GRIP1: variants seen among roughly 807,000 people sequenced by gnomAD.
The protein encoded by GRIP1 is glutamate receptor-interacting protein 1.
GRIP1 carries 45 observed loss-of-function variants against 129.9 expected under a neutral mutation model. That is an observed-to-expected ratio of 0.35 (90% CI 0.27 to 0.44). The LOEUF is 0.44. GRIP1 is among the 20% of genes least tolerant of loss of function. The pLI is 1.00. For synonymous variants in GRIP1, 530 were observed against 520.8 expected (o/e 1.02, Z -0.24); for missense variants, 1,196 against 1,396.8 (o/e 0.86, Z 2.29).
At chr12:66,603,667 C>T (rs1343701085) in intron 1 of GRIP1, among the ~76,000 whole-genome samples, 1 of 152,228 alleles carries the variant, frequency 6.6e-6, no homozygotes, top group East Asian at 1.9e-4. Context: ...TGGCAGAATG[C>T]CAGTCATATC....
chr12:66,875,492 C>T (rs1041360896), intron 1 of GRIP1, among the ~76,000 whole-genome samples: 25 of 152,040 alleles, frequency 1.6e-4, no homozygotes, highest in Non-Finnish European at 1.5e-5. Flanking sequence ...TCCATCATTC[C>T]ACAGGCTGCT....
At chr12:66,431,396 C>T (rs996529013) in intron 14 of GRIP1, among the ~76,000 whole-genome samples, 1 of 152,074 alleles carries the variant, frequency 6.6e-6, no homozygotes, top group African/African-American at 2.4e-5. Context: ...TGGCTTCTTG[C>T]TCTTAATATT....
chr12:66,463,700 A>C (rs2059201840), intron 8 of GRIP1, among the ~76,000 whole-genome samples: 1 of 152,196 alleles, frequency 6.6e-6, no homozygotes, highest in African/African-American at 2.4e-5. Flanking sequence ...CAAGTGAGTA[A>C]TAAAACCAGG....
intron 2 of GRIP1, among the ~76,000 whole-genome samples, chr12:66,556,391 T>C (rs984573465): frequency 6.6e-6 from 1 of 152,106 alleles, no homozygotes; most frequent in Non-Finnish European, 1.5e-5. Context: ...GCTGAGGGAT[T>C]CCATGAGCAC....
At chr12:66,497,491 A>G (rs1014718094) in intron 7 of GRIP1, among the ~76,000 whole-genome samples, 1 of 152,164 alleles carries the variant, frequency 6.6e-6, no homozygotes, top group Admixed American at 6.5e-5. Flanking sequence ...TTAAAACAAG[A>G]GCATTGGGAA....
chr12:66,422,023 G>C (rs2057819233), intron 14 of GRIP1, among the ~76,000 whole-genome samples: 1 of 152,112 alleles, frequency 6.6e-6, no homozygotes. Context: ...TTGCCAACCT[G>C]AAGGCTGGAG....
chr12:66,910,613 C>A (rs1257495788), intron 1 of GRIP1, among the ~76,000 whole-genome samples: 1 of 152,018 alleles, frequency 6.6e-6, no homozygotes, highest in Non-Finnish European at 1.5e-5. Context: ...AGCACACCTT[C>A]TCTTAACCTC....
At chr12:66,413,936 A>T (rs1192411845) in intron 15 of GRIP1, among the ~76,000 whole-genome samples, 1 of 152,134 alleles carries the variant, frequency 6.6e-6, no homozygotes, top group Non-Finnish European at 1.5e-5. Flanking sequence ...TCGGTATTGA[A>T]GGAACATAAC....
At chr12:66,871,514 T>C (rs2040295615) in intron 1 of GRIP1, among the ~76,000 whole-genome samples, 1 of 152,104 alleles carries the variant, frequency 6.6e-6, no homozygotes, top group African/African-American at 2.4e-5. Flanking sequence ...TAGGGATGTG[T>C]AAGATTATAA....
At chr12:66,420,568 G>T in intron 15 of GRIP1, 152 bp downstream of exon 15, 2 of 657,980 alleles carry the variant, frequency 3.0e-6, no homozygotes, top group South Asian at 1.7e-5. Flanking sequence ...CTGGAACTAG[G>T]GATGTCAAAT....
At chr12:66,746,763 G>A (rs2036960219) in intron 1 of GRIP1, among the ~76,000 whole-genome samples, 1 of 152,296 alleles carries the variant, frequency 6.6e-6, no homozygotes, top group South Asian at 2.1e-4. Context: ...GGTGTGAAAG[G>A]TTGATTGGAT....
chr12:66,552,223 A>G (rs1284507657), intron 2 of GRIP1, among the ~76,000 whole-genome samples: 1 of 152,224 alleles, frequency 6.6e-6, no homozygotes, highest in Non-Finnish European at 1.5e-5. Flanking sequence ...ATAAACTTCA[A>G]CAAGAAATCA....
At chr12:66,540,378 A>G (rs35145721) in intron 3 of GRIP1, among the ~76,000 whole-genome samples, 41,330 of 152,132 alleles carry the variant, frequency 0.27, 5,788 homozygotes, top group Middle Eastern at 0.33. Flanking sequence ...AATTAATACA[A>G]CTGAAAATGC....
chr12:66,696,132 CCA>C (rs1491351075), intron 1 of GRIP1, among the ~76,000 whole-genome samples: 2 of 151,946 alleles, frequency 1.3e-5, no homozygotes, highest in African/African-American at 4.8e-5. Flanking sequence ...TCTCAAAACC[CCA>C]TTTTTTTTTT....
intron 1 of GRIP1, among the ~76,000 whole-genome samples, chr12:66,819,824 C>CA (rs150979510): frequency 0.022 from 3,313 of 152,178 alleles, 126 homozygotes; most frequent in African/African-American, 0.074. Flanking sequence ...CCACTGCCCA[C>CA]AAAATTGAAG....
At chr12:66,968,785 A>G (rs1481301192) in intron 1 of GRIP1, among the ~76,000 whole-genome samples, 1 of 70,460 alleles carries the variant, frequency 1.4e-5, no homozygotes, top group Non-Finnish European at 2.4e-5. Context: ...AAAAGATTTT[A>G]CTTTACCTTA....
intron 1 of GRIP1, among the ~76,000 whole-genome samples, chr12:66,821,933 T>C (rs1425143255): frequency 6.6e-6 from 1 of 152,098 alleles, no homozygotes; most frequent in Non-Finnish European, 1.5e-5. Flanking sequence ...CAGGAAGAGC[T>C]CCTAGATGAT....
At chr12:66,401,609 T>TATATATATAAATATAC (rs1169241331) in intron 16 of GRIP1, among the ~76,000 whole-genome samples, 1 of 110,176 alleles carries the variant, frequency 9.1e-6, no homozygotes, top group African/African-American at 3.7e-5. Flanking sequence ...TATATATATA[T>TATATATATAAATATAC]ACACACACAC....
At chr12:66,430,777 G>T (rs936807717) in intron 14 of GRIP1, among the ~76,000 whole-genome samples, 1 of 152,184 alleles carries the variant, frequency 6.6e-6, no homozygotes, top group Admixed American at 6.5e-5. Flanking sequence ...CTTAAAATTT[G>T]AGAGTAAAAT....
Sources: gnomAD v4.1 joint callset for allele counts (sites outside exome capture counted in the v4.1 genomes callset) on GRCh38, gnomAD v4.1.1 for gene constraint, MANE v1.5 for transcripts, NCBI Gene and HGNC (gene_info 2026-07-23, HGNC 2026-07-21) for gene names.